The following DCP1A variants were observed in gnomAD, a reference collection of about 807,000 sequenced individuals.
DCP1A encodes the protein mRNA-decapping enzyme 1A.
DCP1A carries 20 observed loss-of-function variants against 58.0 expected under a neutral mutation model. The ratio of observed to expected loss-of-function variants is 0.34; its 90% CI spans 0.24 to 0.50. DCP1A has a LOEUF of 0.50. DCP1A is among the 20% of genes least tolerant of loss of function. The pLI is 0.98. For synonymous variants in DCP1A, 285 were observed against 275.1 expected, an observed-to-expected ratio of 1.04 and a Z score of -0.36; for missense variants, 613 against 712.2, an observed-to-expected ratio of 0.86 and a Z score of 1.59.
chr3:53,336,010 T>C (rs1401726099), intron 3 of DCP1A, among the ~76,000 whole-genome samples: 4 of 151,916 alleles, frequency 2.6e-5, no homozygotes, highest in African/African-American at 4.8e-5. Context: ...ATGTTGCTCA[T>C]GTTGGTCTTG....
intron 3 of DCP1A, among the ~76,000 whole-genome samples, chr3:53,322,815 T>G (rs1708006518): frequency 1.4e-5 from 2 of 143,356 alleles, no homozygotes; most frequent in South Asian, 2.1e-4. Context: ...TTTGTTTGCT[T>G]TTTTTTTTTT....
intron 6 of DCP1A, among the ~76,000 whole-genome samples, chr3:53,296,847 G>A (rs935290434): frequency 6.6e-6 from 1 of 152,336 alleles, no homozygotes; most frequent in Non-Finnish European, 1.5e-5. Context: ...ATAAAGACTG[G>A]TGTGGAAGTA....
Position 53,288,273 on chromosome 3 carries a change from G to A in DCP1A, c.1460C>T (p.Ala487Val). Residue 487 changes from alanine to valine, a missense_variant, in exon 9 of 10, where the codon GCC becomes GTC. Ala to Val is a moderately conservative substitution (Grantham distance 64). Coordinates refer to ENST00000610213, the MANE Select transcript of DCP1A (RefSeq NM_018403.7). ...AGTGGTCGTTGCAGTAACCAGTGGG[G>A]CGCCTGCAACCTGGAGAGTGACAAT... is the stretch of plus-strand genomic sequence containing the variant. Reference protein sequence around the residue: ...VLSSAIPVAGAPLVTATTTAV... With the variant: ...VLSSAIPVAGVPLVTATTTAV... 6.2e-7 allele frequency: 1 copy of A among 1,609,448 alleles called. No individual in the cohort carries two copies.
chr3:53,329,536 G>C, intron 3 of DCP1A: 1 of 393,374 alleles, frequency 2.5e-6, no homozygotes, highest in Non-Finnish European at 4.5e-6. Flanking sequence ...GCAAGCTAAA[G>C]AGCAACATAT....
At chr3:53,287,940 C>G in intron 9 of DCP1A, 125 bp downstream of exon 9, 2 of 973,946 alleles carry the variant, frequency 2.1e-6, no homozygotes, top group Non-Finnish European at 1.5e-6. Flanking sequence ...CAGGTGTGAG[C>G]CACTTTGCCT....
intron 4 of DCP1A, among the ~76,000 whole-genome samples, chr3:53,316,046 G>A (rs1248116549): frequency 2.0e-5 from 3 of 152,054 alleles, no homozygotes; most frequent in Non-Finnish European, 2.9e-5. Flanking sequence ...GAGCCACCGC[G>A]CCCAGCCTGG....
chr3:53,298,816 G>C (rs926524880), intron 6 of DCP1A, among the ~76,000 whole-genome samples: 13 of 152,252 alleles, frequency 8.5e-5, no homozygotes. Flanking sequence ...TTTGGTCAAT[G>C]ATGGACTGCA....
At chr3:53,290,749 TAAAAAA>T (rs61290855) in intron 8 of DCP1A, 36 bp downstream of exon 8, 3,031 of 679,326 alleles carry the variant, frequency 4.5e-3, no homozygotes, top group Non-Finnish European at 4.9e-3. Context: ...CGACTAGTCT[TAAAAAA>T]AAAAAAAAAA....
chr3:53,327,588 A>C (rs1336371996), intron 3 of DCP1A, among the ~76,000 whole-genome samples: 3 of 151,906 alleles, frequency 2.0e-5, no homozygotes, highest in African/African-American at 7.3e-5. Flanking sequence ...CCAGGAGTTC[A>C]AGACCAGCCT....
At chr3:53,290,564 T>C in intron 8 of DCP1A, 1 of 634,034 alleles carries the variant, frequency 1.6e-6, no homozygotes. Flanking sequence ...CTAACTCTTT[T>C]CACTAAGCTG....
At chr3:53,323,787 G>A (rs1200506327) in intron 3 of DCP1A, among the ~76,000 whole-genome samples, 1 of 151,156 alleles carries the variant, frequency 6.6e-6, no homozygotes, top group Non-Finnish European at 1.5e-5. Flanking sequence ...GCTTAAACCC[G>A]GGAGGCAGAG....
chr3:53,300,254 A>G (rs1212887071), intron 6 of DCP1A, among the ~76,000 whole-genome samples: 3 of 152,196 alleles, frequency 2.0e-5, no homozygotes, highest in Admixed American at 2.0e-4. Context: ...CTGTATGTCT[A>G]CAGACGCAGT....
intron 7 of DCP1A, 34 bp from the exon 8 acceptor site, chr3:53,290,890 T>C (rs1553685898): frequency 3.9e-6 from 6 of 1,556,418 alleles, no homozygotes; most frequent in Middle Eastern, 1.7e-4. Flanking sequence ...CAGACGGATA[T>C]AAGAAGTTTC....
Position 53,284,480 on chromosome 3 carries a change from C to A in DCP1A, c.*3100G>T, listed in dbSNP as rs887337303. 2 of 146,890 alleles carry A rather than the reference C, an allele frequency of 1.4e-5. No individual in the cohort carries two copies. The highest frequency in any genetic ancestry group is 5.0e-5 in the African/African-American group (2 of 39,942). 9.1% of individuals were successfully genotyped at this position (146,890 alleles called of 1,614,324 possible). On this transcript the variant is annotated 3_prime_UTR_variant, in exon 10 of 10. Coordinates refer to ENST00000610213, the MANE Select transcript of DCP1A (RefSeq NM_018403.7). ...CATGCAAAATCTGGTTAGACATATA[C>A]TAAACTAAGCCTGTGTGTCCCCCTG...
intron 3 of DCP1A, among the ~76,000 whole-genome samples, chr3:53,322,437 G>T (rs988992981): frequency 1.3e-5 from 2 of 150,664 alleles, no homozygotes; most frequent in Non-Finnish European, 3.0e-5. Context: ...GGCAACAAGA[G>T]TGAAACTCTG....
intron 4 of DCP1A, among the ~76,000 whole-genome samples, chr3:53,315,776 C>T (rs1191429306): frequency 9.9e-5 from 9 of 90,986 alleles, no homozygotes; most frequent in African/African-American, 1.7e-4. Context: ...TTTTTTGAGA[C>T]GGAGTCTCGC....
chr3:53,297,739 A>G (rs1396508463), intron 6 of DCP1A, among the ~76,000 whole-genome samples: 1 of 152,200 alleles, frequency 6.6e-6, no homozygotes, highest in African/African-American at 2.4e-5. Context: ...CACACAAACC[A>G]ATATTTAGGT....
chr3:53,320,111 G>C (rs1253257928), intron 3 of DCP1A, among the ~76,000 whole-genome samples: 1 of 150,874 alleles, frequency 6.6e-6, no homozygotes, highest in Non-Finnish European at 1.5e-5. Flanking sequence ...CTAGGCAACA[G>C]AGTGAGACTC....
intron 3 of DCP1A, among the ~76,000 whole-genome samples, chr3:53,329,745 T>C (rs2088951358): frequency 2.0e-5 from 3 of 152,220 alleles, no homozygotes; most frequent in Admixed American, 2.0e-4. Context: ...TTCCCAAAAC[T>C]GCTTTTGGTT....
Sources: allele counts gnomAD v4.1 joint callset (sites outside exome capture counted in the v4.1 genomes callset), GRCh38; gene constraint gnomAD v4.1.1; transcripts MANE v1.5; gene names NCBI Gene and HGNC (gene_info 2026-07-23, HGNC 2026-07-21).